PXK: variants seen among roughly 807,000 people sequenced by gnomAD.
PXK encodes the protein PX domain containing serine/threonine kinase like.
A neutral mutation model predicts 84.7 loss-of-function variants in PXK; 35 were observed. The observed-to-expected ratio is 0.41, with a 90% CI of 0.32 to 0.55. The LOEUF is 0.55. Among genes scored for constraint, PXK ranks in the 20% least tolerant of loss-of-function variants. PXK has a pLI of 0.21. For synonymous variants in PXK, 253 were observed against 260.8 expected (o/e 0.97, Z 0.29); for missense variants, 634 against 699.7 (o/e 0.91, Z 1.06).
At chr3:58,363,407 C>A (rs1416206887) in intron 1 of PXK, among the ~76,000 whole-genome samples, 1 of 152,186 alleles carries the variant, frequency 6.6e-6, no homozygotes, top group Non-Finnish European at 1.5e-5. Context: ...TGGCTCACGG[C>A]AGTCATGACC....
At chr3:58,424,628 A>C in intron 17 of PXK, 124 bp from the exon 18 acceptor site, 2 of 1,318,250 alleles carry the variant, frequency 1.5e-6, no homozygotes, top group Non-Finnish European at 2.1e-6. Context: ...AGTACTAGGT[A>C]TGTTGGTCCC....
intron 4 of PXK, 100 bp downstream of exon 4, chr3:58,382,800 A>T: frequency 1.1e-6 from 1 of 875,502 alleles, no homozygotes; most frequent in Non-Finnish European, 1.6e-6. Flanking sequence ...CAAAATGGGG[A>T]TGTGTATACA....
chr3:58,408,745 A>G lies in PXK; in HGVS notation c.1231-179A>G, dbSNP rs528945407. Among the ~76,000 whole-genome samples, 15 of 152,218 alleles carry G rather than the reference A, an allele frequency of 9.9e-5. No individual in the cohort carries two copies. The South Asian group carries it at 2.5e-3, about 25-fold the overall frequency. ...CACCGTGTTAGCCAGGATGGTCTCC[A>G]TCTCCTGACCGCGTGATCCGCCCGC... On this transcript the variant is annotated intron_variant, in intron 13 of 17. Transcript: ENST00000356151.
chr3:58,394,490 G>A (rs918019340), intron 7 of PXK, among the ~76,000 whole-genome samples: 14 of 152,166 alleles, frequency 9.2e-5, no homozygotes, highest in Non-Finnish European at 1.5e-4. Context: ...TGCTACTTTT[G>A]CCTGTTTTCT....
intron 1 of PXK, among the ~76,000 whole-genome samples, chr3:58,361,500 C>A (rs1340919391): frequency 6.6e-6 from 1 of 152,094 alleles, no homozygotes; most frequent in Non-Finnish European, 1.5e-5. Flanking sequence ...CTCTGACGCC[C>A]ATCTCACTAC....
Position 58,416,174 on chromosome 3 carries a change from G to C in PXK, c.1528+3211G>C, listed in dbSNP as rs1576797523. ...CCTGAGCCTTTGAAAGACAACTCAG[G>C]GACATATGTTAAGATCTTATCTTTA... On this transcript the variant is annotated intron_variant, in intron 17 of 17. Coordinates refer to ENST00000356151, the MANE Select transcript of PXK (RefSeq NM_017771.5). The surrounding 1 kb of genome is among the most constrained non-coding windows in gnomAD (Gnocchi z 4.8). Among the ~76,000 whole-genome samples, 1 of 152,152 alleles carries C rather than the reference G, an allele frequency of 6.6e-6. No individual in the cohort carries two copies.
chr3:58,378,506 TTTTTTTTGTG>T (rs2098464490), intron 3 of PXK, among the ~76,000 whole-genome samples: 1 of 66,452 alleles, frequency 1.5e-5, no homozygotes, highest in Non-Finnish European at 3.1e-5. Flanking sequence ...TTTTTTTTTT[TTTTTTTTGTG>T]TGTGTGTGTG....
rs1418627370 is a variant in PXK, at chr3:58,333,014, C to A, written c.26C>A (p.Ala9Asp). The A allele has an allele frequency of 7.3e-7, 1 of 1,370,730 alleles. No individual in the cohort carries two copies. The highest frequency in any genetic ancestry group is 9.5e-7 in the Non-Finnish European group (1 of 1,049,368). The allele number at this position is 1,370,730 out of a possible 1,614,324, so 84.9% of individuals were successfully genotyped here. Residue 9 changes from alanine (A) to aspartate (D), a missense_variant, in exon 1 of 18, where the codon GCC becomes GAC. Physicochemically the swap from Ala to Asp is moderately radical, Grantham distance 126 (BLOSUM62 -2). Transcript: ENST00000356151. This position sits in a 1 kb window ranked among gnomAD's most constrained non-coding sequence, Gnocchi z 5.4. ...ATGGCCTTCATGGAGAAGCCGCCAG[C>A]CGGCAAGGTGCTGCTGGACGACACG... MAFMEKPP[A>D]GKVLLDDTVP...
chr3:58,366,253 A>G (rs1274546440), intron 2 of PXK, among the ~76,000 whole-genome samples: 1 of 152,134 alleles, frequency 6.6e-6, no homozygotes, highest in Non-Finnish European at 1.5e-5. Context: ...CTATGGTTTG[A>G]GTTCAGTCTA....
chr3:58,369,360 T>C, intron 2 of PXK, 71 bp from the exon 3 acceptor site: 1 of 1,232,190 alleles, frequency 8.1e-7, no homozygotes, highest in Non-Finnish European at 1.2e-6. Context: ...CTAATTCTAA[T>C]ACATATTAAA....
chr3:58,424,402 A>C (rs2062493956), intron 17 of PXK, among the ~76,000 whole-genome samples: 1 of 152,218 alleles, frequency 6.6e-6, no homozygotes, highest in African/African-American at 2.4e-5. Context: ...GGACCTGGCT[A>C]AAGTAACTGA....
At chr3:58,413,300 C>T (rs2060481526) in intron 17 of PXK, 3 of 302,562 alleles carry the variant, frequency 9.9e-6, no homozygotes, top group Non-Finnish European at 1.9e-5. Flanking sequence ...CGCCGTGGCC[C>T]AGGGGTCCCG....
At chr3:58,346,357 G>C (rs2097819358) in intron 1 of PXK, among the ~76,000 whole-genome samples, 1 of 152,136 alleles carries the variant, frequency 6.6e-6, no homozygotes, top group East Asian at 1.9e-4. Flanking sequence ...ATGGAACAGT[G>C]AAGTTAGAGA....
rs2060384235 is a variant in PXK at position 58,412,715 on chromosome 3, C to T, written c.1466-186C>T. ...AGTGGCTTGGGGAAGGAGGTGGACCCTGCACCAGAGTAAAAGCCTGTCACT... is the reference window on the plus strand; with the variant it reads ...AGTGGCTTGGGGAAGGAGGTGGACCTTGCACCAGAGTAAAAGCCTGTCACT... On this transcript the variant is annotated intron_variant, in intron 16 of 17. Transcript: ENST00000356151. This position sits in a 1 kb window ranked among gnomAD's most constrained non-coding sequence, Gnocchi z 6.2. 6.6e-6 allele frequency among the ~76,000 whole-genome samples: 1 copy of T among 152,162 alleles called. No homozygotes were observed. The highest frequency in any genetic ancestry group is 6.5e-5 in the Admixed American group (1 of 15,280).
chr3:58,413,095 G>T lies in PXK; in HGVS notation c.1528+132G>T, dbSNP rs1448855003. The T allele has an allele frequency of 6.4e-6, 6 of 940,042 alleles. No individual in the cohort carries two copies. In the African/African-American group the frequency reaches 9.6e-5, roughly 15 times the overall value. 58.2% of individuals were successfully genotyped at this position (940,042 alleles called of 1,614,324 possible). A position where few individuals can be genotyped will look rare whatever the true frequency, so the allele number is the denominator to read the frequency against. Reference sequence around the variant, plus strand: ...CAGCTTTCTCAAGAGAAATCAGTGGGAGTGCAAATTAGCAGTGTCATTTGG... The same window carrying T: ...CAGCTTTCTCAAGAGAAATCAGTGGTAGTGCAAATTAGCAGTGTCATTTGG... On this transcript the variant is annotated intron_variant, in intron 17 of 17. Transcript: ENST00000356151.
chr3:58,372,372 G>C (rs1257946323), intron 3 of PXK, among the ~76,000 whole-genome samples: 2 of 152,024 alleles, frequency 1.3e-5, no homozygotes, highest in Non-Finnish European at 2.9e-5. Context: ...GCCCAGGCTG[G>C]AGTGCAGTGG....
At chr3:58,349,575 T>C (rs143041540) in intron 1 of PXK, among the ~76,000 whole-genome samples, 2,138 of 152,002 alleles carry the variant, frequency 0.014, 63 homozygotes, top group African/African-American at 0.049. Flanking sequence ...AGGCTGGTCT[T>C]GAACTGCTGA....
At position 58,416,956 on chromosome 3, in the gene PXK, T is replaced by C. The variant is rs2061058747; in HGVS notation, c.1528+3993T>C. Among the ~76,000 whole-genome samples, 1 of 152,184 alleles carries C rather than the reference T, an allele frequency of 6.6e-6. No homozygotes were observed. ...AACTTTTGGCTGGCCAGCCCATGCT[T>C]AGGCTGTTCTTCCTTGCAGAACTGG... On this transcript the variant is annotated intron_variant, in intron 17 of 17. Transcript: ENST00000356151. The surrounding 1 kb of genome is among the most constrained non-coding windows in gnomAD (Gnocchi z 4.8).
chr3:58,406,542 T>G (rs1265982571), intron 13 of PXK, among the ~76,000 whole-genome samples: 3 of 152,150 alleles, frequency 2.0e-5, no homozygotes, highest in Non-Finnish European at 4.4e-5. Flanking sequence ...GGATTACAGG[T>G]GTGAGCCACT....
Sources: gnomAD v4.1 joint callset for allele counts (sites outside exome capture counted in the v4.1 genomes callset) on GRCh38, gnomAD v4.1.1 for gene constraint, Gnocchi (gnomAD v3.1) non-coding constraint, MANE v1.5 for transcripts, NCBI Gene and HGNC (gene_info 2026-07-23, HGNC 2026-07-21) for gene names.